ZHX2: variants seen among roughly 807,000 people sequenced by gnomAD.
ZHX2 encodes the protein zinc fingers and homeoboxes protein 2.
In ZHX2, 6 loss-of-function variants were observed where a neutral mutation model predicts 21.9. The observed-to-expected ratio is 0.27, with a 90% confidence interval of 0.15 to 0.54. The LOEUF is 0.54. ZHX2 is among the 20% of genes least tolerant of loss of function. The pLI is 0.95. For missense variants in ZHX2, 908 were observed against 1,090.7 expected, an observed-to-expected ratio of 0.83 and a Z score of 2.36; for synonymous variants, 434 against 437.1, an observed-to-expected ratio of 0.99 and a Z score of 0.09.
At chr8:122,913,580 G>A (rs1208992117) in intron 2 of ZHX2, among the ~76,000 whole-genome samples, 5 of 152,228 alleles carry the variant, frequency 3.3e-5, no homozygotes, top group African/African-American at 1.2e-4. Flanking sequence ...GAATGGGGCA[G>A]TAGGGAAGTT....
intron 3 of ZHX2, among the ~76,000 whole-genome samples, chr8:122,968,204 A>G (rs962543857): frequency 6.6e-6 from 1 of 152,172 alleles, no homozygotes; most frequent in Non-Finnish European, 1.5e-5. Flanking sequence ...TCCCCTGGCC[A>G]ATATGCACTG....
chr8:122,888,954 A>C (rs954224954), intron 2 of ZHX2, among the ~76,000 whole-genome samples: 2 of 152,150 alleles, frequency 1.3e-5, no homozygotes, highest in African/African-American at 4.8e-5. Context: ...GTATGAGATG[A>C]ACTTTATTAG....
intron 2 of ZHX2, among the ~76,000 whole-genome samples, chr8:122,947,619 C>T (rs931154670): frequency 2.6e-5 from 4 of 152,060 alleles, no homozygotes; most frequent in Non-Finnish European, 4.4e-5. Context: ...CAGAAAGCCA[C>T]GCAGGGTGAG....
chr8:122,904,248 T>G (rs1006152709), intron 2 of ZHX2, among the ~76,000 whole-genome samples: 1 of 152,108 alleles, frequency 6.6e-6, no homozygotes, highest in Non-Finnish European at 1.5e-5. Context: ...CCAAAAACTT[T>G]TAGACAGTAA....
At chr8:122,885,576 G>A (rs1166451090) in intron 2 of ZHX2, among the ~76,000 whole-genome samples, 1 of 152,174 alleles carries the variant, frequency 6.6e-6, no homozygotes, top group Admixed American at 6.5e-5. Flanking sequence ...TGGGTTGGGT[G>A]ACAGTGAGGA....
At chr8:122,871,102 C>T (rs896908561) in intron 2 of ZHX2, among the ~76,000 whole-genome samples, 2 of 152,144 alleles carry the variant, frequency 1.3e-5, no homozygotes, top group African/African-American at 2.4e-5. Flanking sequence ...CAATTCACAT[C>T]CTGGCCCAGC....
intron 1 of ZHX2, among the ~76,000 whole-genome samples, chr8:122,820,313 G>T (rs1465669610): frequency 6.6e-6 from 1 of 152,178 alleles, no homozygotes; most frequent in Non-Finnish European, 1.5e-5. Flanking sequence ...TGGCCAGGCT[G>T]CCTTGGGCCC....
At chr8:122,846,154 AGGC>A (rs1242865344) in intron 1 of ZHX2, among the ~76,000 whole-genome samples, 1 of 151,960 alleles carries the variant, frequency 6.6e-6, no homozygotes, top group African/African-American at 2.4e-5. Flanking sequence ...AGAGGGGAGG[AGGC>A]ATGGTTTCCC....
intron 1 of ZHX2, among the ~76,000 whole-genome samples, chr8:122,813,488 T>A (rs1817971763): frequency 6.6e-6 from 1 of 152,138 alleles, no homozygotes; most frequent in Non-Finnish European, 1.5e-5. Flanking sequence ...ATGAAAGAAG[T>A]CGCCAAGTAG....
intron 1 of ZHX2, among the ~76,000 whole-genome samples, chr8:122,800,975 A>G (rs557233377): frequency 1.3e-5 from 2 of 152,374 alleles, no homozygotes; most frequent in South Asian, 4.1e-4. Context: ...AATATTTGTT[A>G]GCCTTTTGCT....
rs372425134 is a variant in ZHX2, at chr8:122,952,430, G to A, written c.920G>A (p.Arg307Lys). 3.4e-5 allele frequency: 55 copies of A among 1,614,076 alleles called. No homozygotes were observed. Among genetic ancestry groups the A allele is most frequent in the African/African-American group, 6.7e-5 (5 of 74,916 alleles). The change falls in exon 3 of 4, where the codon AGA becomes AAA. Residue 307 changes from arginine to lysine, a missense_variant. Physicochemically the swap from Arg to Lys is conservative, Grantham distance 26. Transcript: ENST00000314393. This position sits in a 1 kb window ranked among gnomAD's most constrained non-coding sequence, Gnocchi z 6.9. ...TCCAAACACCCAGAGGAGCACATCAGAATCTGGTTTGCCACCCAGCGCTTA... is the reference window on the plus strand; with the variant it reads ...TCCAAACACCCAGAGGAGCACATCAAAATCTGGTTTGCCACCCAGCGCTTA... ...AASKHPEEHI[R>K]IWFATQRLKH... is the part of the protein sequence containing the mutation.
chr8:122,853,805 C>T (rs183093661), intron 1 of ZHX2, among the ~76,000 whole-genome samples: 403 of 152,300 alleles, frequency 2.6e-3, no homozygotes, highest in African/African-American at 8.7e-3. Context: ...CCCAGGGCAC[C>T]TGCACCACTC....
chr8:122,927,585 T>C, intron 2 of ZHX2, among the ~76,000 whole-genome samples: 1 of 152,158 alleles, frequency 6.6e-6, no homozygotes, highest in East Asian at 1.9e-4. Context: ...CTCACAATCA[T>C]GGCGAAAGAG....
chr8:122,791,813 C>T (rs376862472), intron 1 of ZHX2, among the ~76,000 whole-genome samples: 132 of 150,662 alleles, frequency 8.8e-4, no homozygotes, highest in African/African-American at 3.0e-3. Context: ...TGCAATGAGC[C>T]GAGATCATGC....
At chr8:122,831,850 G>A (rs1818385019) in intron 1 of ZHX2, among the ~76,000 whole-genome samples, 2 of 152,156 alleles carry the variant, frequency 1.3e-5, no homozygotes, top group South Asian at 4.2e-4. Context: ...TTGAATATAT[G>A]TTGATCTGTT....
In ZHX2 at chr8:122,953,121, A is replaced by T; in HGVS notation, c.1611A>T (p.Thr537=). 1 of 1,613,898 alleles carries T rather than the reference A, an allele frequency of 6.2e-7. No homozygotes were observed. The highest frequency in any genetic ancestry group is 8.5e-7 in the Non-Finnish European group (1 of 1,180,028). The change falls in exon 3 of 4, where the codon ACA becomes ACT. Residue 537 remains threonine (T), a synonymous_variant. Coordinates refer to ENST00000314393, the MANE Select transcript of ZHX2 (RefSeq NM_014943.5). This position sits in a 1 kb window ranked among gnomAD's most constrained non-coding sequence, Gnocchi z 4.6. ...CCCCCCAGAAGTTCAAAGAGAAAAC[A>T]CAGGGTCAGGTTAAAATCTTGGAAG... is the stretch of plus-strand genomic sequence containing the variant. ...DFAPQKFKEK[T]QGQVKILEDS...
At chr8:122,851,238 G>A (rs1204985889) in intron 1 of ZHX2, among the ~76,000 whole-genome samples, 2 of 152,176 alleles carry the variant, frequency 1.3e-5, no homozygotes, top group African/African-American at 4.8e-5. Flanking sequence ...GAAGAAAGGT[G>A]GATAATTTGT....
At chr8:122,957,182 G>C (rs16897805) in intron 3 of ZHX2, among the ~76,000 whole-genome samples, 17,595 of 150,938 alleles carry the variant, frequency 0.12, 1,556 homozygotes, top group African/African-American at 0.25. Flanking sequence ...CAACACATGA[G>C]TTTGTCTCCA....
chr8:122,868,390 A>G (rs1254523614), intron 2 of ZHX2, among the ~76,000 whole-genome samples: 2 of 152,160 alleles, frequency 1.3e-5, no homozygotes, highest in East Asian at 3.8e-4. Flanking sequence ...GCTCACACCT[A>G]TAATCTCAGC....
Sources: allele counts gnomAD v4.1 joint callset (sites outside exome capture counted in the v4.1 genomes callset), GRCh38; gene constraint gnomAD v4.1.1; non-coding constraint Gnocchi (gnomAD v3.1); transcripts MANE v1.5; gene names NCBI Gene and HGNC (gene_info 2026-07-23, HGNC 2026-07-21).